Variants in DOT1L observed in about 807,000 individuals in gnomAD.
DOT1L encodes the protein histone-lysine N-methyltransferase, H3 lysine-79 specific.
Under a neutral mutation model 153.3 loss-of-function variants are expected in DOT1L, and 33 were observed. The ratio of observed to expected loss-of-function variants is 0.22; its 90% CI spans 0.16 to 0.29. DOT1L has a LOEUF of 0.29. Among genes scored for constraint, DOT1L ranks in the 10% least tolerant of loss-of-function variants. DOT1L has a pLI of 1.00. For missense variants in DOT1L, 1,847 were observed against 2,119.9 expected (o/e 0.87, Z 2.53); for synonymous variants, 1,135 against 965.1 (o/e 1.18, Z -3.26).
chr19:2,169,684 GT>G, intron 1 of DOT1L, among the ~76,000 whole-genome samples: 1 of 152,262 alleles, frequency 6.6e-6, no homozygotes, highest in Admixed American at 6.5e-5. Context: ...AAATCTGCTT[GT>G]TATCTGCTGC....
rs1433402029 is a variant in DOT1L at position 2,193,291 on chromosome 19, C to G, written c.494-398C>G. 2.6e-5 allele frequency among the ~76,000 whole-genome samples: 4 copies of G among 151,882 alleles called. No homozygotes were observed. The East Asian group carries it at 7.7e-4, about 29-fold the overall frequency. ...CTGGGGTGCCATAAGATTTTATCAG[C>G]CAGGTTGCTGTGTGTCTGTGTGCTG... is the stretch of plus-strand genomic sequence containing the variant. On this transcript the variant is annotated intron_variant, in intron 5 of 27. Coordinates refer to ENST00000398665, the MANE Select transcript of DOT1L (RefSeq NM_032482.3). This position sits in a 1 kb window ranked among gnomAD's most constrained non-coding sequence, Gnocchi z 5.9.
At chr19:2,166,924 C>T (rs554663945) in intron 1 of DOT1L, among the ~76,000 whole-genome samples, 3 of 152,212 alleles carry the variant, frequency 2.0e-5, no homozygotes, top group Non-Finnish European at 2.9e-5. Flanking sequence ...ACCTGTAGTT[C>T]TGCCATTCTC....
Position 2,193,417 on chromosome 19 carries a change from A to G in DOT1L, c.494-272A>G, listed in dbSNP as rs1263815991. ...ACAGTGAACATCACATAGGGCCCTG[A>G]GACTCAAAATGGATTCTGGTTTCGG... On this transcript the variant is annotated intron_variant, in intron 5 of 27. Coordinates refer to ENST00000398665, the MANE Select transcript of DOT1L (RefSeq NM_032482.3). The surrounding 1 kb of genome is among the most constrained non-coding windows in gnomAD (Gnocchi z 5.9). 6.6e-6 allele frequency among the ~76,000 whole-genome samples: 1 copy of G among 152,158 alleles called. No individual in the cohort carries two copies. The highest frequency in any genetic ancestry group is 2.4e-5 in the African/African-American group (1 of 41,418).
At chr19:2,213,492 C>CAGTCACCTGCCCTGGCCCTT in intron 16 of DOT1L, 47 bp from the exon 17 acceptor site, 2 of 1,592,178 alleles carry the variant, frequency 1.3e-6, no homozygotes, top group Non-Finnish European at 1.7e-6. Context: ...TGTGGGCCCT[C>CAGTCACCTGCCCTGGCCCTT]AGTCACCTGC....
At position 2,230,266 on chromosome 19, in the gene DOT1L, C is replaced by T. The variant is rs760842699; in HGVS notation, c.*474C>T. On this transcript the variant is annotated 3_prime_UTR_variant, in exon 28 of 28. Coordinates refer to ENST00000398665, the MANE Select transcript of DOT1L (RefSeq NM_032482.3). ...GGAAACGCCGCCCGGCCGGCTCCCCCGACGCGCTGCTCCCGTACCAAAGGC... is the reference window on the plus strand; with the variant it reads ...GGAAACGCCGCCCGGCCGGCTCCCCTGACGCGCTGCTCCCGTACCAAAGGC... 20 of 426,868 alleles carry T rather than the reference C, an allele frequency of 4.7e-5. No individual in the cohort carries two copies. The South Asian group carries it at 5.3e-4, about 11-fold the overall frequency. The allele number at this position is 426,868 out of a possible 1,614,324, so 26.4% of individuals were successfully genotyped here.
In DOT1L at chr19:2,191,249, C is replaced by A. The variant is rs186656087; in HGVS notation, c.493+9C>A. On this transcript the variant is annotated intron_variant, in intron 5 of 27. Coordinates refer to ENST00000398665, the MANE Select transcript of DOT1L (RefSeq NM_032482.3). This position sits in a 1 kb window ranked among gnomAD's most constrained non-coding sequence, Gnocchi z 6.8. ...TGTGGACTTGGGGAGCGGTGAGTGT[C>A]GCCCGCCATGCCCGGCTCCTGTGCA... The A allele has an allele frequency of 1.9e-6, 3 of 1,612,580 alleles. No homozygotes were observed. Among genetic ancestry groups the A allele is most frequent in the East Asian group, 2.2e-5 (1 of 44,852 alleles).
rs756547293 is a variant in DOT1L at position 2,226,972 on chromosome 19, A to C, written c.4451A>C (p.Asn1484Thr). ...CTCGGCCCCATGTCCCTGCAGGCCA[A>C]CCTCGGCTCCGTGGCCGGCTCCTCC... ...FALGPMSLQA[N>T]LGSVAGSSVL... Residue 1484 changes from asparagine to threonine, a missense_variant, in exon 27 of 28, where the codon AAC (asparagine) becomes ACC (threonine). Transcript: ENST00000398665. 2 of 1,591,354 alleles carry C rather than the reference A, an allele frequency of 1.3e-6. No individual in the cohort carries two copies. Among genetic ancestry groups the C allele is most frequent in the Non-Finnish European group, 1.7e-6 (2 of 1,176,502 alleles).
Position 2,226,302 on chromosome 19 carries a change from C to A in DOT1L, c.3781C>A (p.Leu1261Met), listed in dbSNP as rs1006068967. 21 of 1,599,316 alleles carry A rather than the reference C, an allele frequency of 1.3e-5. No homozygotes were observed. The highest frequency in any genetic ancestry group is 1.8e-5 in the Non-Finnish European group (21 of 1,174,142). The part of the protein sequence containing the change: ...IGLAKSADSP[L>M]QASSALSQNS... ...CCTGGCCAAGTCGGCGGACAGCCCG[C>A]TGCAGGCCAGCTCCGCCCTCAGCCA... The change falls in exon 27 of 28, where the codon CTG becomes ATG. Residue 1261 changes from leucine to methionine, a missense_variant. Leu to Met is a conservative substitution (Grantham distance 15). Transcript: ENST00000398665.
chr19:2,174,474 G>A (rs2021807479), intron 1 of DOT1L, among the ~76,000 whole-genome samples: 1 of 152,154 alleles, frequency 6.6e-6, no homozygotes, highest in Non-Finnish European at 1.5e-5. Flanking sequence ...ATCACCTGAG[G>A]TTGGGAGTTT....
intron 1 of DOT1L, among the ~76,000 whole-genome samples, chr19:2,168,137 G>GC (rs757426361): frequency 7.2e-5 from 11 of 152,040 alleles, no homozygotes; most frequent in Non-Finnish European, 1.3e-4. Context: ...TTCTCCCCCC[G>GC]CCACCGCCCC....
At chr19:2,183,243 T>C (rs528278195) in intron 2 of DOT1L, among the ~76,000 whole-genome samples, 1 of 152,326 alleles carries the variant, frequency 6.6e-6, no homozygotes, top group Admixed American at 6.5e-5. Flanking sequence ...CCATCTCAGC[T>C]CACTGCAACT....
chr19:2,174,431 A>C (rs185859505), intron 1 of DOT1L, among the ~76,000 whole-genome samples: 344 of 152,294 alleles, frequency 2.3e-3, no homozygotes, highest in African/African-American at 7.9e-3. Flanking sequence ...TCACATCTGT[A>C]ATCCCAGGAC....
intron 1 of DOT1L, among the ~76,000 whole-genome samples, chr19:2,176,906 C>T (rs533145801): frequency 6.6e-5 from 10 of 152,312 alleles, no homozygotes; most frequent in South Asian, 4.1e-4. Context: ...GGAACCCTGC[C>T]GTGGGCCCTG....
intron 1 of DOT1L, chr19:2,164,583 G>A (rs2019836063): frequency 1.4e-5 from 3 of 217,698 alleles, no homozygotes; most frequent in Admixed American, 1.2e-4. Flanking sequence ...GTTTTGACTG[G>A]AAGCCCGCCC....
intron 1 of DOT1L, among the ~76,000 whole-genome samples, chr19:2,167,398 G>C (rs914318114): frequency 6.6e-6 from 1 of 152,194 alleles, no homozygotes; most frequent in Non-Finnish European, 1.5e-5. Flanking sequence ...TGGTGTCCCC[G>C]CCCGCATGCC....
chr19:2,175,103 A>G (rs1276442656), intron 1 of DOT1L, among the ~76,000 whole-genome samples: 2 of 150,650 alleles, frequency 1.3e-5, no homozygotes, highest in Non-Finnish European at 2.9e-5. Flanking sequence ...GGTTCATGCC[A>G]TTCTCCTGCC....
At chr19:2,202,861 C>T in intron 9 of DOT1L, 82 bp downstream of exon 9, 1 of 1,413,270 alleles carries the variant, frequency 7.1e-7, no homozygotes, top group Non-Finnish European at 1.0e-6. Flanking sequence ...GGGTGTCCTG[C>T]AGAAGGCAGC....
At chr19:2,199,122 G>C (rs2023141223) in intron 7 of DOT1L, among the ~76,000 whole-genome samples, 1 of 152,390 alleles carries the variant, frequency 6.6e-6, no homozygotes, top group Admixed American at 6.5e-5. Flanking sequence ...TGATTGTCCA[G>C]ATGCTACCGT....
intron 18 of DOT1L, 65 bp downstream of exon 18, chr19:2,214,051 C>G: frequency 6.4e-7 from 1 of 1,557,124 alleles, no homozygotes; most frequent in Non-Finnish European, 8.7e-7. Flanking sequence ...CGGGTGTGTC[C>G]TCTGTGCGGG....
Sources: allele counts gnomAD v4.1 joint callset (sites outside exome capture counted in the v4.1 genomes callset), GRCh38; gene constraint gnomAD v4.1.1; non-coding constraint Gnocchi (gnomAD v3.1); transcripts MANE v1.5; gene names NCBI Gene and HGNC (gene_info 2026-07-23, HGNC 2026-07-21).